The following UBE2E2 variants were observed in gnomAD, a reference collection of about 807,000 sequenced individuals.
The protein encoded by UBE2E2 is ubiquitin-conjugating enzyme E2 E2.
Under a neutral mutation model 24.7 loss-of-function variants are expected in UBE2E2, and 6 were observed. That is an observed-to-expected ratio of 0.24 (90% CI 0.13 to 0.48). The LOEUF (loss-of-function observed/expected upper bound fraction) is 0.48. Ranked by LOEUF, UBE2E2 falls within the 20% of genes least tolerant of loss-of-function variation. The pLI, the probability that UBE2E2 is intolerant of heterozygous loss-of-function variation, is 0.99. For missense variants in UBE2E2, 169 were observed against 245.0 expected, an observed-to-expected ratio of 0.69 and a Z score of 2.07; for synonymous variants, 104 against 83.6, an observed-to-expected ratio of 1.24 and a Z score of -1.33.
intron 3 of UBE2E2, among the ~76,000 whole-genome samples, chr3:23,336,837 T>C (rs866509663): frequency 1.3e-5 from 2 of 152,102 alleles, no homozygotes; most frequent in Non-Finnish European, 2.9e-5. Flanking sequence ...CTCCATTTGC[T>C]GGATAAGAAT....
At chr3:23,345,809 GAAC>G in intron 3 of UBE2E2, among the ~76,000 whole-genome samples, 1 of 152,156 alleles carries the variant, frequency 6.6e-6, no homozygotes. Flanking sequence ...ATTAATATGT[GAAC>G]AACATTTTTA....
intron 3 of UBE2E2, among the ~76,000 whole-genome samples, chr3:23,296,835 G>A (rs187743064): frequency 1.9e-4 from 29 of 152,290 alleles, no homozygotes; most frequent in Middle Eastern, 3.4e-3. Context: ...GTAATGGGAT[G>A]GCTGGGTCAA....
chr3:23,566,228 A>G (rs1372070233), intron 5 of UBE2E2, among the ~76,000 whole-genome samples: 1 of 152,234 alleles, frequency 6.6e-6, no homozygotes, highest in African/African-American at 2.4e-5. Context: ...TATGATAAGA[A>G]CATTGAAAAA....
At chr3:23,274,766 A>G (rs920169320) in intron 3 of UBE2E2, among the ~76,000 whole-genome samples, 2 of 152,160 alleles carry the variant, frequency 1.3e-5, no homozygotes, top group Admixed American at 1.3e-4. Context: ...ACTGGATATT[A>G]TTTGTAAATA....
chr3:23,449,164 A>C (rs928144724), intron 3 of UBE2E2, among the ~76,000 whole-genome samples: 4 of 152,210 alleles, frequency 2.6e-5, no homozygotes, highest in Non-Finnish European at 4.4e-5. Context: ...ATCACTTTCC[A>C]TTGAACTGTG....
chr3:23,380,065 G>A (rs372191973), intron 3 of UBE2E2, among the ~76,000 whole-genome samples: 10 of 130,954 alleles, frequency 7.6e-5, no homozygotes, highest in Non-Finnish European at 1.6e-4. Context: ...GGGAGAAAAT[G>A]CTAAGAACAT....
At chr3:23,419,240 A>AT (rs1697734911) in intron 3 of UBE2E2, among the ~76,000 whole-genome samples, 1 of 152,088 alleles carries the variant, frequency 6.6e-6, no homozygotes, top group African/African-American at 2.4e-5. Flanking sequence ...AAATGCTGAG[A>AT]TTACAGGTGT....
intron 3 of UBE2E2, among the ~76,000 whole-genome samples, chr3:23,376,889 C>T (rs768036164): frequency 1.1e-4 from 17 of 152,074 alleles, no homozygotes; most frequent in Non-Finnish European, 2.1e-4. Context: ...ATGTGACATT[C>T]GCAAGGGGAG....
chr3:23,303,952 A>G (rs1017546099), intron 3 of UBE2E2, among the ~76,000 whole-genome samples: 2 of 152,222 alleles, frequency 1.3e-5, no homozygotes, highest in Non-Finnish European at 2.9e-5. Context: ...AATTCTCTCC[A>G]TAGAGTGTAA....
At chr3:23,431,266 A>G (rs1195024675) in intron 3 of UBE2E2, among the ~76,000 whole-genome samples, 1 of 152,192 alleles carries the variant, frequency 6.6e-6, no homozygotes, top group Non-Finnish European at 1.5e-5. Flanking sequence ...TACACTGAAG[A>G]AAGAAAAAGT....
intron 4 of UBE2E2, among the ~76,000 whole-genome samples, chr3:23,508,617 A>G (rs1694510640): frequency 6.6e-6 from 1 of 152,086 alleles, no homozygotes; most frequent in South Asian, 2.1e-4. Context: ...TGAATCAGCC[A>G]CTCTGATATC....
intron 3 of UBE2E2, among the ~76,000 whole-genome samples, chr3:23,252,496 T>A (rs570194409): frequency 1.4e-3 from 210 of 150,406 alleles, no homozygotes; most frequent in African/African-American, 3.7e-3. Flanking sequence ...TTAAAAAAAA[T>A]TTTTTTTTTT....
rs1696217145 is a variant in UBE2E2, at chr3:23,571,280, C to CTCTTTTTTTTTTTTTTTTTT, written c.509-18453_509-18452insCTTTTTTTTTTTTTTTTTTT. On this transcript the variant is annotated intron_variant, in intron 5 of 5. Transcript: ENST00000396703. ...AGTCCCCTCACCTGTGTGCTCCTTT[C>CTCTTTTTTTTTTTTTTTTTT]TTTTTTTTTTTTTTTTTTTTTTTTT... Among the ~76,000 whole-genome samples the CTCTTTTTTTTTTTTTTTTTT allele has an allele frequency of 8.7e-4, 26 of 29,882 alleles. 2 individuals carry two copies. The highest frequency in any genetic ancestry group is 2.7e-3 in the African/African-American group (26 of 9,720). The allele number at this position is 29,882 out of a possible 152,430, so 19.6% of individuals were successfully genotyped here. A position where few individuals can be genotyped will look rare whatever the true frequency, so the allele number is the denominator to read the frequency against.
intron 3 of UBE2E2, among the ~76,000 whole-genome samples, chr3:23,273,618 A>G (rs1698309723): frequency 6.6e-6 from 1 of 152,176 alleles, no homozygotes; most frequent in Non-Finnish European, 1.5e-5. Context: ...AATTGGTTTC[A>G]TTATATATGG....
intron 3 of UBE2E2, among the ~76,000 whole-genome samples, chr3:23,347,497 G>A (rs978126799): frequency 7.9e-5 from 12 of 151,746 alleles, no homozygotes; most frequent in African/African-American, 2.9e-4. Flanking sequence ...AGTGGGAGTT[G>A]AACAATGAGA....
chr3:23,536,154 A>C (rs1695258263), intron 5 of UBE2E2, among the ~76,000 whole-genome samples: 1 of 151,782 alleles, frequency 6.6e-6, no homozygotes, highest in African/African-American at 2.4e-5. Flanking sequence ...CTTTTTAAAA[A>C]CTCTTAGATG....
chr3:23,263,007 C>A (rs969605135), intron 3 of UBE2E2, among the ~76,000 whole-genome samples: 1 of 152,158 alleles, frequency 6.6e-6, no homozygotes, highest in Non-Finnish European at 1.5e-5. Flanking sequence ...AGGGAAATTA[C>A]TTCCTACTGA....
At chr3:23,337,722 A>G (rs1231379546) in intron 3 of UBE2E2, among the ~76,000 whole-genome samples, 2 of 152,232 alleles carry the variant, frequency 1.3e-5, no homozygotes, top group Non-Finnish European at 2.9e-5. Context: ...AGAAGAATTC[A>G]AAAAGGTTAA....
intron 3 of UBE2E2, among the ~76,000 whole-genome samples, chr3:23,458,031 C>G (rs1698718931): frequency 6.6e-6 from 1 of 152,136 alleles, no homozygotes; most frequent in Non-Finnish European, 1.5e-5. Flanking sequence ...GCAAGAACTT[C>G]TCTTTTGCAT....
Sources: gnomAD v4.1 joint callset for allele counts (sites outside exome capture counted in the v4.1 genomes callset) on GRCh38, gnomAD v4.1.1 for gene constraint, MANE v1.5 for transcripts, NCBI Gene and HGNC (gene_info 2026-07-23, HGNC 2026-07-21) for gene names.